The following UGGT2 variants were observed in gnomAD, a reference collection of about 807,000 sequenced individuals.
The protein encoded by UGGT2 is UDP-glucose glycoprotein glucosyltransferase 2, also known as UDP-glucose:glycoprotein glucosyltransferase 2.
Under a neutral mutation model 192.1 loss-of-function variants are expected in UGGT2, and 180 were observed. That is an observed-to-expected ratio of 0.94 (90% CI 0.83 to 1.06). The LOEUF is 1.06. UGGT2 is among the 50% of genes least tolerant of loss of function. The probability of loss-of-function intolerance (pLI) is 0.00; values close to 1 mark genes in which losing one functional copy is unlikely to be tolerated. For synonymous variants in UGGT2, 580 were observed against 591.0 expected, an observed-to-expected ratio of 0.98 and a Z score of 0.27; for missense variants, 1,849 against 1,795.7, an observed-to-expected ratio of 1.03 and a Z score of -0.54.
At chr13:95,955,508 G>T (rs1053996541) in intron 12 of UGGT2, among the ~76,000 whole-genome samples, 3 of 152,212 alleles carry the variant, frequency 2.0e-5, no homozygotes, top group Non-Finnish European at 4.4e-5. Context: ...TTGCAAAACA[G>T]TAATACTTCT....
chr13:95,956,628 T>C (rs930669891), intron 12 of UGGT2, among the ~76,000 whole-genome samples: 2 of 152,196 alleles, frequency 1.3e-5, no homozygotes, highest in Non-Finnish European at 2.9e-5. Context: ...TCACACTCAT[T>C]AGGATGGCAA....
rs1008053784 is a variant in UGGT2 at position 95,803,830 on chromosome 13, C to T, written c.4529-2018G>A. 4.6e-5 allele frequency among the ~76,000 whole-genome samples: 7 copies of T among 151,896 alleles called. No homozygotes were observed. The East Asian group carries it at 1.2e-3, about 25-fold the overall frequency. ...TTCATTGTTAAATATATACAAACAG[C>T]CAAAGATCTCCAGGTTTTTGAGGAA... On this transcript the variant is annotated intron_variant, in intron 38 of 38. Transcript: ENST00000376747.
intron 38 of UGGT2, among the ~76,000 whole-genome samples, chr13:95,822,731 TTTTG>T (rs1227830767): frequency 6.6e-6 from 1 of 152,114 alleles, no homozygotes; most frequent in Non-Finnish European, 1.5e-5. Context: ...GATCTATCAA[TTTTG>T]TTTATCTTTT....
intron 22 of UGGT2, among the ~76,000 whole-genome samples, chr13:95,896,843 T>C (rs77559995): frequency 0.091 from 13,790 of 152,162 alleles, 876 homozygotes; most frequent in Non-Finnish European, 0.12. Context: ...ATCTTCTTCA[T>C]AACATTTGAG....
intron 17 of UGGT2, among the ~76,000 whole-genome samples, chr13:95,936,367 A>G (rs1047912774): frequency 6.6e-6 from 1 of 152,358 alleles, no homozygotes. Context: ...GCTGAGGCCA[A>G]CATGGCAGGG....
At chr13:95,880,658 A>C (rs931466810) in intron 27 of UGGT2, among the ~76,000 whole-genome samples, 7 of 152,212 alleles carry the variant, frequency 4.6e-5, no homozygotes, top group Non-Finnish European at 8.8e-5. Flanking sequence ...ACAATTCATA[A>C]GTTTTAAACT....
chr13:95,911,155 C>T (rs960098953), intron 20 of UGGT2, among the ~76,000 whole-genome samples: 1 of 152,116 alleles, frequency 6.6e-6, no homozygotes, highest in Non-Finnish European at 1.5e-5. Context: ...AAAATCAACA[C>T]CCTAACATCA....
chr13:95,827,768 T>C (rs1253088919), intron 38 of UGGT2, among the ~76,000 whole-genome samples: 1 of 152,180 alleles, frequency 6.6e-6, no homozygotes, highest in African/African-American at 2.4e-5. Context: ...TAACTGAAAG[T>C]TACTTAGCAC....
intron 5 of UGGT2, among the ~76,000 whole-genome samples, chr13:96,005,319 G>A (rs2051938293): frequency 6.6e-6 from 1 of 152,150 alleles, no homozygotes; most frequent in South Asian, 2.1e-4. Flanking sequence ...TATAAAGCTT[G>A]CTAAAGGCTA....
intron 27 of UGGT2, among the ~76,000 whole-genome samples, chr13:95,880,421 C>G (rs1011684727): frequency 5.3e-5 from 8 of 152,150 alleles, no homozygotes; most frequent in Non-Finnish European, 1.2e-4. Context: ...TATCTCAAGG[C>G]AGGTGAAGGC....
At chr13:95,884,086 A>AG (rs71113959) in intron 27 of UGGT2, among the ~76,000 whole-genome samples, 3 of 148,696 alleles carry the variant, frequency 2.0e-5, no homozygotes, top group African/African-American at 7.4e-5. Flanking sequence ...AAAAAAAAAA[A>AG]CCAACAACAA....
At chr13:95,816,199 A>G (rs1300486012) in intron 38 of UGGT2, among the ~76,000 whole-genome samples, 2 of 152,240 alleles carry the variant, frequency 1.3e-5, no homozygotes, top group Non-Finnish European at 2.9e-5. Flanking sequence ...AACTAATATT[A>G]TAATTAGTCT....
At chr13:95,884,084 A>AATAAC (rs1555346760) in intron 27 of UGGT2, among the ~76,000 whole-genome samples, 6 of 132,012 alleles carry the variant, frequency 4.5e-5, no homozygotes, top group Non-Finnish European at 3.2e-5. Flanking sequence ...AAAAAAAAAA[A>AATAAC]AACCAACAAC....
intron 16 of UGGT2, among the ~76,000 whole-genome samples, chr13:95,939,235 A>AATG (rs1274913223): frequency 2.0e-5 from 3 of 152,184 alleles, no homozygotes; most frequent in Non-Finnish European, 4.4e-5. Flanking sequence ...TTCTGACTGG[A>AATG]ATGTTAATCT....
At chr13:95,948,636 TTATG>T (rs1263941849) in intron 13 of UGGT2, among the ~76,000 whole-genome samples, 6 of 152,200 alleles carry the variant, frequency 3.9e-5, no homozygotes, top group Admixed American at 2.6e-4. Context: ...AAAGTGGTAT[TTATG>T]TATCTTTCCC....
At chr13:95,866,573 C>T (rs1386896277) in intron 30 of UGGT2, among the ~76,000 whole-genome samples, 1 of 152,112 alleles carries the variant, frequency 6.6e-6, no homozygotes, top group Non-Finnish European at 1.5e-5. Context: ...CAAATTTGGG[C>T]TAAAAGACTA....
At chr13:96,042,478 A>C (rs1201375963) in intron 1 of UGGT2, among the ~76,000 whole-genome samples, 1 of 152,180 alleles carries the variant, frequency 6.6e-6, no homozygotes, top group Non-Finnish European at 1.5e-5. Flanking sequence ...CCCCAAAAAA[A>C]TCACACTCGC....
At chr13:95,808,113 G>C (rs1884410287) in intron 38 of UGGT2, among the ~76,000 whole-genome samples, 1 of 152,070 alleles carries the variant, frequency 6.6e-6, no homozygotes, top group South Asian at 2.1e-4. Context: ...AATATCAAAA[G>C]AACTTTAAAA....
At chr13:95,872,362 A>T (rs1335387972) in intron 29 of UGGT2, among the ~76,000 whole-genome samples, 3 of 152,212 alleles carry the variant, frequency 2.0e-5, no homozygotes, top group Non-Finnish European at 4.4e-5. Context: ...AAAATCAAAT[A>T]ATTTAGCCAT....
Sources: gnomAD v4.1 joint callset for allele counts (sites outside exome capture counted in the v4.1 genomes callset) on GRCh38, gnomAD v4.1.1 for gene constraint, MANE v1.5 for transcripts, NCBI Gene and HGNC (gene_info 2026-07-23, HGNC 2026-07-21) for gene names.